The following LMNA variants were observed in gnomAD, a reference collection of about 807,000 sequenced individuals.
The protein encoded by LMNA is lamin A/C.
Under a neutral mutation model 70.4 loss-of-function variants are expected in LMNA, and 20 were observed. The observed-to-expected ratio is 0.28, with a 90% CI of 0.20 to 0.41. The LOEUF is 0.41. Ranked by LOEUF, LMNA falls within the 10% of genes least tolerant of loss-of-function variation. The pLI is 1.00. For missense variants in LMNA, 652 were observed against 917.2 expected (o/e 0.71, Z 3.73); for synonymous variants, 339 against 372.8 (o/e 0.91, Z 1.04).
chr1:156,125,839 A>G (rs1370092831), intron 1 of LMNA, among the ~76,000 whole-genome samples: 1 of 151,902 alleles, frequency 6.6e-6, no homozygotes, highest in African/African-American at 2.4e-5. Flanking sequence ...AAATAGAAAA[A>G]TTAGCTAGGC....
At chr1:156,107,765 C>G (rs890900441) in intron 3 of LMNA, among the ~76,000 whole-genome samples, 4 of 151,998 alleles carry the variant, frequency 2.6e-5, no homozygotes, top group African/African-American at 9.7e-5. Context: ...TACCTCAGGT[C>G]AATTACAACC....
At chr1:156,133,731 G>C (rs1220414773) in intron 2 of LMNA, among the ~76,000 whole-genome samples, 1 of 151,952 alleles carries the variant, frequency 6.6e-6, no homozygotes, top group African/African-American at 2.4e-5. Flanking sequence ...CCGTACTTCA[G>C]GCTTCAGCAG....
At chr1:156,139,024 AG>A (rs1651901358) in intron 11 of LMNA, 55 bp from the exon 12 acceptor site, 1 of 1,582,186 alleles carries the variant, frequency 6.3e-7, no homozygotes, top group Admixed American at 1.7e-5. Context: ...CAGGGGAGGG[AG>A]GGTCTGGGTC....
chr1:156,130,452 A>G lies in LMNA; in HGVS notation c.357-165A>G, dbSNP rs535329961. ...AAGGACCTTGGGGAGGTGGGAGCCC[A>G]GCCCCAGAGGCAAGCAGATGCAAAC... On this transcript the variant is annotated intron_variant, in intron 1 of 11. Transcript: ENST00000368300. Among the ~76,000 whole-genome samples the G allele has an allele frequency of 1.7e-4, 26 of 152,228 alleles. No individual in the cohort carries two copies. The South Asian group carries it at 4.6e-3, about 27-fold the overall frequency.
upstream of LMNA, chr1:156,114,658 T>C (rs1199496010): frequency 5.7e-5 from 10 of 176,550 alleles, no homozygotes; most frequent in South Asian, 1.4e-4. Flanking sequence ...TAGTGGCCCC[T>C]CCTCCCTTCA....
chr1:156,104,166 G>A (rs901488126), intron 3 of LMNA, among the ~76,000 whole-genome samples: 1 of 152,212 alleles, frequency 6.6e-6, no homozygotes. Flanking sequence ...CGTGTTGGGC[G>A]GCAGGGGTCG....
chr1:156,118,270 T>C (rs1188809466), intron 1 of LMNA, among the ~76,000 whole-genome samples: 2 of 152,134 alleles, frequency 1.3e-5, no homozygotes, highest in Non-Finnish European at 2.9e-5. Context: ...TTTTTAGCAG[T>C]TTTAGCAGTT....
In LMNA at chr1:156,101,625, C is replaced by T. The variant is rs140318230; in HGVS notation, c.-207+11043C>T. ...GCTGCAGTTACCCAGGAAGGAAGGACGGAAGGAAGGAAGGGAGGGAGGGAG... is the reference window on the plus strand; with the variant it reads ...GCTGCAGTTACCCAGGAAGGAAGGATGGAAGGAAGGAAGGGAGGGAGGGAG... On this transcript the variant is annotated intron_variant, in intron 3 of 12. Coordinates refer to the LMNA transcript ENST00000368301. Among the ~76,000 whole-genome samples, 21 of 70,636 alleles carry T rather than the reference C, an allele frequency of 3.0e-4. No homozygotes were observed. The Middle Eastern group carries it at 0.044, about 148-fold the overall frequency. 46.3% of individuals were successfully genotyped at this position (70,636 alleles called of 152,430 possible).
At chr1:156,088,003 C>G (rs2102786740) in intron 2 of LMNA, among the ~76,000 whole-genome samples, 2 of 152,110 alleles carry the variant, frequency 1.3e-5, no homozygotes, top group South Asian at 4.2e-4. Context: ...TCCTGAGTAG[C>G]TGGGACTACA....
rs1039562181 is a variant in LMNA at position 156,138,558 on chromosome 1, C to T, written c.1769C>T (p.Thr590Ile). Residue 590 changes from threonine to isoleucine, a missense_variant, in exon 11 of 12, where the codon ACC becomes ATC. Physicochemically the swap from Thr to Ile is moderately conservative, Grantham distance 89. This residue lies in a region of LMNA where 327 missense variants were observed against 387.6 expected (regional missense o/e 0.84). Coordinates refer to ENST00000368300, the MANE Select transcript of LMNA (RefSeq NM_170707.4). This position sits in a 1 kb window ranked among gnomAD's most constrained non-coding sequence, Gnocchi z 5.5. ...NLRSRTVLCG[T>I]CGQPADKASA... Reference sequence around the variant, plus strand: ...CGCTCGCGCACCGTGCTGTGCGGGACCTGCGGGCAGCCTGCCGACAAGGCA... The same window carrying T: ...CGCTCGCGCACCGTGCTGTGCGGGATCTGCGGGCAGCCTGCCGACAAGGCA... 4 of 1,612,638 alleles carry T rather than the reference C, an allele frequency of 2.5e-6. No homozygotes were observed. In the East Asian group the frequency reaches 6.7e-5, roughly 27 times the overall value.
chr1:156,122,896 G>A (rs1249829812), intron 1 of LMNA, among the ~76,000 whole-genome samples: 1 of 152,228 alleles, frequency 6.6e-6, no homozygotes, highest in Non-Finnish European at 1.5e-5. Flanking sequence ...CTTAAGGAAG[G>A]GGAAAGAGTT....
At position 156,139,670 on chromosome 1, in the gene LMNA, T is replaced by G. The variant is rs947772494; in HGVS notation, c.*564T>G. ...TTCCACTACACCTGGCTGAGGTTCCTCTGCCTGCCCCGCCCCCAGTCCCCA... is the reference window on the plus strand; with the variant it reads ...TTCCACTACACCTGGCTGAGGTTCCGCTGCCTGCCCCGCCCCCAGTCCCCA... On this transcript the variant is annotated 3_prime_UTR_variant, in exon 12 of 12. Transcript: ENST00000368300. The G allele has an allele frequency of 6.6e-7, 1 of 1,506,864 alleles. No individual in the cohort carries two copies. Among genetic ancestry groups the G allele is most frequent in the East Asian group, 2.5e-5 (1 of 39,704 alleles). 93.3% of individuals were successfully genotyped at this position (1,506,864 alleles called of 1,614,324 possible). A position where few individuals can be genotyped will look rare whatever the true frequency, so the allele number is the denominator to read the frequency against.
At chr1:156,107,242 G>T (rs1417244003) in intron 3 of LMNA, among the ~76,000 whole-genome samples, 1 of 152,162 alleles carries the variant, frequency 6.6e-6, no homozygotes, top group Non-Finnish European at 1.5e-5. Flanking sequence ...TTATCCAGTC[G>T]CCCCTCCAGC....
At chr1:156,116,292 A>T (rs1220767514) in intron 1 of LMNA, among the ~76,000 whole-genome samples, 5 of 152,154 alleles carry the variant, frequency 3.3e-5, no homozygotes, top group Admixed American at 1.3e-4. Context: ...TTTGAAATCC[A>T]GCCGTTGGAA....
intron 1 of LMNA, among the ~76,000 whole-genome samples, chr1:156,127,611 C>T (rs1650706489): frequency 6.7e-6 from 1 of 150,028 alleles, no homozygotes. Flanking sequence ...CTCCGCCTCC[C>T]AAGTTCAAGT....
intron 1 of LMNA, among the ~76,000 whole-genome samples, chr1:156,123,727 G>A (rs1163727586): frequency 6.6e-6 from 1 of 152,214 alleles, no homozygotes; most frequent in East Asian, 1.9e-4. Flanking sequence ...GCACTTGGCA[G>A]GAGACCTTGC....
At chr1:156,105,419 C>A (rs1458827288) in intron 3 of LMNA, among the ~76,000 whole-genome samples, 1 of 152,022 alleles carries the variant, frequency 6.6e-6, no homozygotes, top group East Asian at 1.9e-4. Context: ...TACTTGGCAG[C>A]CCCCCTCCCC....
At chr1:156,086,110 A>G (rs1648462375) in intron 2 of LMNA, among the ~76,000 whole-genome samples, 1 of 152,196 alleles carries the variant, frequency 6.6e-6, no homozygotes, top group African/African-American at 2.4e-5. Context: ...TTAGGTGTTC[A>G]ATCAGTTTTA....
intron 3 of LMNA, among the ~76,000 whole-genome samples, chr1:156,104,740 A>G (rs1229517935): frequency 6.6e-6 from 1 of 152,124 alleles, no homozygotes; most frequent in Non-Finnish European, 1.5e-5. Context: ...GTTAGCCCCA[A>G]CATCTCTTTC....
Sources: gnomAD v4.1 joint callset for allele counts (sites outside exome capture counted in the v4.1 genomes callset) on GRCh38, gnomAD v4.1.1 for gene constraint, gnomAD v4.1.1 regional missense constraint, Gnocchi (gnomAD v3.1) non-coding constraint, MANE v1.5 for transcripts, NCBI Gene and HGNC (gene_info 2026-07-23, HGNC 2026-07-21) for gene names.